Variants in DNM3 observed in about 807,000 individuals in gnomAD.
The protein encoded by DNM3 is dynamin-3.
A neutral mutation model predicts 101.6 loss-of-function variants in DNM3; 47 were observed. The observed-to-expected ratio is 0.46, with a 90% CI of 0.37 to 0.59. The LOEUF (loss-of-function observed/expected upper bound fraction) is 0.59. Ranked by LOEUF, DNM3 falls within the 20% of genes least tolerant of loss-of-function variation. The probability of loss-of-function intolerance (pLI) is 0.00; values close to 1 mark genes in which losing one functional copy is unlikely to be tolerated. For synonymous variants in DNM3, 385 were observed against 387.9 expected, an observed-to-expected ratio of 0.99 and a Z score of 0.09; for missense variants, 849 against 1,085.7, an observed-to-expected ratio of 0.78 and a Z score of 3.06.
Position 172,146,732 on chromosome 1 carries a change from A to G in DNM3, c.1659+15444A>G, listed in dbSNP as rs114938089. ...ACCACTGAACCAGTAGTCAGCCAGT[A>G]TTCCAGGTGTAGACCTGCTTCTGCC... On this transcript the variant is annotated intron_variant, in intron 14 of 20. Coordinates refer to ENST00000627582, the MANE Select transcript of DNM3 (RefSeq NM_015569.5). Among the ~76,000 whole-genome samples, 14 of 152,294 alleles carry G rather than the reference A, an allele frequency of 9.2e-5. 1 individual carries two copies. Among genetic ancestry groups the G allele is most frequent in the Non-Finnish European group, 1.6e-4 (11 of 68,012 alleles).
At chr1:172,205,720 G>T (rs984083450) in intron 14 of DNM3, among the ~76,000 whole-genome samples, 3 of 152,098 alleles carry the variant, frequency 2.0e-5, no homozygotes, top group African/African-American at 7.2e-5. Flanking sequence ...ATGATATGAA[G>T]AAAATTCAGC....
At chr1:172,072,161 C>A (rs1431757799) in intron 11 of DNM3, among the ~76,000 whole-genome samples, 2 of 152,128 alleles carry the variant, frequency 1.3e-5, no homozygotes, top group East Asian at 3.9e-4. Context: ...TTTATTGGTA[C>A]AAACTTTTGG....
chr1:171,851,625 G>T (rs1049585464), intron 1 of DNM3, among the ~76,000 whole-genome samples: 6 of 152,178 alleles, frequency 3.9e-5, no homozygotes, highest in African/African-American at 1.4e-4. Context: ...TGTTGGCCAG[G>T]CTGGCCTTGA....
intron 10 of DNM3, among the ~76,000 whole-genome samples, chr1:172,059,073 G>A (rs1470505051): frequency 2.0e-4 from 31 of 151,800 alleles, no homozygotes; most frequent in African/African-American, 2.4e-4. Context: ...ACACCTCTAC[G>A]CAAATAAACT....
intron 15 of DNM3, among the ~76,000 whole-genome samples, chr1:172,303,979 C>T (rs1375521206): frequency 6.6e-6 from 1 of 151,798 alleles, no homozygotes; most frequent in Non-Finnish European, 1.5e-5. Context: ...AACTAACCAG[C>T]AAAATAACCA....
At chr1:172,013,085 T>G (rs192845742) in intron 4 of DNM3, among the ~76,000 whole-genome samples, 47 of 152,190 alleles carry the variant, frequency 3.1e-4, no homozygotes, top group Middle Eastern at 3.4e-3. Context: ...TGTTTTTAAT[T>G]TTGCTGTATA....
intron 17 of DNM3, among the ~76,000 whole-genome samples, chr1:172,363,617 C>T (rs913180047): frequency 4.6e-5 from 7 of 151,750 alleles, no homozygotes; most frequent in African/African-American, 1.7e-4. Context: ...TCCAGTCTCA[C>T]TCTCCTTAAA....
chr1:172,315,843 A>G (rs1049843578), intron 16 of DNM3, among the ~76,000 whole-genome samples: 3 of 152,200 alleles, frequency 2.0e-5, no homozygotes, highest in Non-Finnish European at 2.9e-5. Flanking sequence ...AACTTCCCCA[A>G]TCTAGCAAGG....
chr1:172,019,564 A>G (rs1323726121), intron 4 of DNM3, among the ~76,000 whole-genome samples: 1 of 151,870 alleles, frequency 6.6e-6, no homozygotes, highest in East Asian at 1.9e-4. Flanking sequence ...TTCTTTAAAT[A>G]TCTGTTCCTT....
At chr1:172,267,488 G>A (rs186915429) in intron 15 of DNM3, among the ~76,000 whole-genome samples, 4 of 151,960 alleles carry the variant, frequency 2.6e-5, no homozygotes, top group African/African-American at 7.2e-5. Context: ...TAATAACCTC[G>A]GTAATATACA....
rs377638174 is a variant in DNM3 at position 172,002,835 on chromosome 1, A to C, written c.589+13687A>C. 4.3e-3 allele frequency among the ~76,000 whole-genome samples: 654 copies of C among 152,196 alleles called. 10 individuals carry two copies. The highest frequency in any genetic ancestry group is 0.015 in the African/African-American group (609 of 41,562). On this transcript the variant is annotated intron_variant, in intron 4 of 20. Coordinates refer to ENST00000627582, the MANE Select transcript of DNM3 (RefSeq NM_015569.5). ...GAACAAAAGAAAAATGTGAAGGCAC[A>C]ATGATAAAGTGAATGTGCTGTTAAA...
intron 15 of DNM3, among the ~76,000 whole-genome samples, chr1:172,293,027 T>A (rs2063995689): frequency 6.6e-6 from 1 of 152,198 alleles, no homozygotes; most frequent in Admixed American, 6.5e-5. Context: ...TGGCCGACTG[T>A]GCGTGTAGCC....
chr1:172,100,004 C>A (rs539925573), intron 13 of DNM3, among the ~76,000 whole-genome samples: 3 of 152,170 alleles, frequency 2.0e-5, no homozygotes, highest in Non-Finnish European at 2.9e-5. Context: ...TGTTGACATG[C>A]TCCTTGGCCC....
intron 11 of DNM3, among the ~76,000 whole-genome samples, chr1:172,078,744 T>G (rs2125980341): frequency 6.6e-6 from 1 of 152,340 alleles, no homozygotes; most frequent in Non-Finnish European, 1.5e-5. Context: ...TTGGTATGTT[T>G]TTGCAGTGGC....
chr1:172,388,121 C>G (rs1195732322), intron 19 of DNM3, among the ~76,000 whole-genome samples: 2 of 151,924 alleles, frequency 1.3e-5, no homozygotes, highest in Admixed American at 1.3e-4. Flanking sequence ...GTGATCCCAG[C>G]TACTCGGGAG....
intron 14 of DNM3, among the ~76,000 whole-genome samples, chr1:172,146,067 A>C (rs2057879645): frequency 6.6e-6 from 1 of 152,170 alleles, no homozygotes; most frequent in Non-Finnish European, 1.5e-5. Flanking sequence ...AATGTGAGAA[A>C]ATTTCTAGGT....
intron 9 of DNM3, among the ~76,000 whole-genome samples, chr1:172,046,638 G>T (rs936483159): frequency 4.1e-4 from 63 of 152,120 alleles, no homozygotes; most frequent in African/African-American, 1.4e-3. Flanking sequence ...GGGCAGATAC[G>T]AGTTTACAAA....
chr1:172,144,098 T>C (rs949113525), intron 14 of DNM3, among the ~76,000 whole-genome samples: 7 of 152,088 alleles, frequency 4.6e-5, no homozygotes, highest in Non-Finnish European at 1.0e-4. Context: ...CATTAAACTA[T>C]TCTTAAGTGT....
chr1:172,229,750 CCA>C (rs150784329), intron 14 of DNM3, among the ~76,000 whole-genome samples: 81 of 150,130 alleles, frequency 5.4e-4, no homozygotes, highest in Middle Eastern at 6.8e-3. Flanking sequence ...TACACGCACG[CCA>C]CACACACACA....
Sources: allele counts gnomAD v4.1 joint callset (sites outside exome capture counted in the v4.1 genomes callset), GRCh38; gene constraint gnomAD v4.1.1; transcripts MANE v1.5; gene names NCBI Gene and HGNC (gene_info 2026-07-23, HGNC 2026-07-21).